Variants in ABCC4 observed in about 807,000 individuals in gnomAD.
ABCC4 encodes the protein ATP binding cassette subfamily C member 4 (PEL blood group).
Under a neutral mutation model 168.5 loss-of-function variants are expected in ABCC4, and 102 were observed. The observed-to-expected ratio is 0.61, with a 90% confidence interval of 0.52 to 0.71. The LOEUF (loss-of-function observed/expected upper bound fraction) is 0.71, where lower values mean the gene tolerates loss of function less well. Among genes scored for constraint, ABCC4 ranks in the 30% least tolerant of loss-of-function variants. The probability of loss-of-function intolerance (pLI) is 0.00; values close to 1 mark genes in which losing one functional copy is unlikely to be tolerated. For synonymous variants in ABCC4, 617 were observed against 590.7 expected, an observed-to-expected ratio of 1.04 and a Z score of -0.65; for missense variants, 1,402 against 1,605.8, an observed-to-expected ratio of 0.87 and a Z score of 2.17.
In ABCC4 at chr13:95,284,746, C is replaced by T. The variant is rs76896328; in HGVS notation, c.74+16495G>A. Among the ~76,000 whole-genome samples, 1,412 of 152,302 alleles carry T rather than the reference C, an allele frequency of 9.3e-3. 38 individuals carry two copies. The highest frequency in any genetic ancestry group is 0.082 in the East Asian group (426 of 5,186). Reference sequence around the variant, plus strand: ...GCACCTATAATCAAGAGGTACATGACGCTGCAGCTGAGAGCAGGGACTCTG... The same window carrying T: ...GCACCTATAATCAAGAGGTACATGATGCTGCAGCTGAGAGCAGGGACTCTG... On this transcript the variant is annotated intron_variant, in intron 1 of 30. Coordinates refer to ENST00000645237, the MANE Select transcript of ABCC4 (RefSeq NM_005845.5).
intron 26 of ABCC4, among the ~76,000 whole-genome samples, chr13:95,057,951 T>A (rs981142498): frequency 6.6e-6 from 1 of 152,174 alleles, no homozygotes; most frequent in Admixed American, 6.5e-5. Context: ...GTAACCTTCA[T>A]GCAACCTCAA....
intron 4 of ABCC4, among the ~76,000 whole-genome samples, chr13:95,226,778 T>C (rs2039478369): frequency 2.0e-5 from 3 of 152,130 alleles, no homozygotes; most frequent in African/African-American, 2.4e-5. Flanking sequence ...GACCAGATGG[T>C]AGGACACTCG....
At chr13:95,210,384 G>A (rs774455566) in intron 5 of ABCC4, among the ~76,000 whole-genome samples, 2 of 152,200 alleles carry the variant, frequency 1.3e-5, no homozygotes, top group African/African-American at 4.8e-5. Context: ...GGGTGTTCAC[G>A]CACTTGTGTG....
At chr13:95,097,438 AG>A in intron 20 of ABCC4, among the ~76,000 whole-genome samples, 1 of 152,216 alleles carries the variant, frequency 6.6e-6, no homozygotes, top group East Asian at 1.9e-4. Flanking sequence ...AAATACAGAG[AG>A]AGAGAGAGAT....
intron 11 of ABCC4, among the ~76,000 whole-genome samples, chr13:95,179,339 A>T (rs1266308068): frequency 6.6e-6 from 1 of 152,220 alleles, no homozygotes; most frequent in Non-Finnish European, 1.5e-5. Context: ...AGTCAGGAAA[A>T]GCCAAAGGGA....
intron 26 of ABCC4, among the ~76,000 whole-genome samples, chr13:95,057,849 G>A (rs2033122966): frequency 6.6e-6 from 1 of 152,228 alleles, no homozygotes; most frequent in Admixed American, 6.5e-5. Context: ...AAACTTCCTA[G>A]ATTCCCTACA....
intron 3 of ABCC4, among the ~76,000 whole-genome samples, chr13:95,236,573 T>C (rs1303738254): frequency 6.9e-6 from 1 of 145,124 alleles, no homozygotes; most frequent in African/African-American, 2.5e-5. Flanking sequence ...CCAACAAGCC[T>C]GTCTCGGCAT....
chr13:95,258,309 C>T (rs1409947022), intron 1 of ABCC4, among the ~76,000 whole-genome samples: 2 of 152,156 alleles, frequency 1.3e-5, no homozygotes, highest in Admixed American at 6.5e-5. Context: ...CCCCTTCGTT[C>T]AGTGTTCCAG....
At chr13:95,040,302 G>T (rs2032299573) in intron 29 of ABCC4, among the ~76,000 whole-genome samples, 1 of 152,150 alleles carries the variant, frequency 6.6e-6, no homozygotes, top group Non-Finnish European at 1.5e-5. Context: ...CGCGATCTCG[G>T]CTCACTGCAA....
rs188577095 is a variant in ABCC4 at position 95,272,560 on chromosome 13, C to T, written c.75-24807G>A. 1.5e-3 allele frequency among the ~76,000 whole-genome samples: 221 copies of T among 152,256 alleles called. 2 individuals carry two copies. Among genetic ancestry groups the T allele is most frequent in the Middle Eastern group, 3.4e-3 (1 of 294 alleles). ...AAATTAATTCAGTGGATTATAAACT[C>T]CACAAGGCCACAGATTGATTTTAGC... On this transcript the variant is annotated intron_variant, in intron 1 of 30. Coordinates refer to ENST00000645237, the MANE Select transcript of ABCC4 (RefSeq NM_005845.5).
chr13:95,163,454 T>C (rs1947039486), intron 17 of ABCC4, among the ~76,000 whole-genome samples, 156 bp downstream of exon 17: 1 of 151,890 alleles, frequency 6.6e-6, no homozygotes, highest in Non-Finnish European at 1.5e-5. Context: ...CCACCGCAGT[T>C]TACACTCCAC....
chr13:95,210,642 A>G (rs899496), intron 5 of ABCC4, 50 bp downstream of exon 5: 1,168,570 of 1,444,906 alleles, frequency 0.81, 476,395 homozygotes, highest in Non-Finnish European at 0.84. Flanking sequence ...ATAAAAGGGG[A>G]AAGAGGGGTG....
Position 95,209,591 on chromosome 13 carries a change from C to T in ABCC4, c.628G>A (p.Val210Met). The change falls in exon 6 of 31, where the codon GTG (valine) becomes ATG (methionine). Residue 210 changes from valine to methionine, a missense_variant. By Grantham distance (21) the Val-to-Met change is conservative (BLOSUM62 1). Transcript: ENST00000645237. ...CCTGCCCACAGGAAGTGTAAGAACA[C>T]TGTCACCTTTAAAGAAAAAGACAGA... Reference protein sequence around the residue: ...NDVNKFDQVTVFLHFLWAGPL... With the variant: ...NDVNKFDQVTMFLHFLWAGPL... 1.2e-6 allele frequency: 2 copies of T among 1,610,872 alleles called. No homozygotes were observed.
chr13:95,268,316 G>A (rs1170880885), intron 1 of ABCC4, among the ~76,000 whole-genome samples: 2 of 152,162 alleles, frequency 1.3e-5, no homozygotes, highest in Non-Finnish European at 2.9e-5. Flanking sequence ...AAAACAGTGC[G>A]AAGGCTGCAG....
chr13:95,156,617 A>G (rs1346445433), intron 19 of ABCC4, among the ~76,000 whole-genome samples: 1 of 152,202 alleles, frequency 6.6e-6, no homozygotes, highest in African/African-American at 2.4e-5. Flanking sequence ...CAGTACCAGA[A>G]AATATCTGCA....
In ABCC4 at chr13:95,281,285, G is replaced by A. The variant is rs557159036; in HGVS notation, c.74+19956C>T. On this transcript the variant is annotated intron_variant, in intron 1 of 30. Coordinates refer to ENST00000645237, the MANE Select transcript of ABCC4 (RefSeq NM_005845.5). ...AGATCACACCACTGCACTCCTGGGC[G>A]ACAGAGACTCTCTCAAAAAAAAAAA... Among the ~76,000 whole-genome samples, 14 of 128,346 alleles carry A rather than the reference G, an allele frequency of 1.1e-4. No individual in the cohort carries two copies. In the South Asian group the frequency reaches 3.6e-3, roughly 33 times the overall value. 84.2% of individuals were successfully genotyped at this position (128,346 alleles called of 152,430 possible). A position where few individuals can be genotyped will look rare whatever the true frequency, so the allele number is the denominator to read the frequency against.
chr13:95,141,041 G>C (rs770375024), intron 19 of ABCC4, among the ~76,000 whole-genome samples: 1 of 152,114 alleles, frequency 6.6e-6, no homozygotes, highest in Non-Finnish European at 1.5e-5. Flanking sequence ...AACCACTACA[G>C]GATCCCAATC....
At chr13:95,225,433 G>T (rs2039436784) in intron 4 of ABCC4, among the ~76,000 whole-genome samples, 5 of 152,192 alleles carry the variant, frequency 3.3e-5, no homozygotes. Context: ...ACTTTGGGAG[G>T]CCAAGGTGGG....
intron 1 of ABCC4, among the ~76,000 whole-genome samples, chr13:95,298,763 T>C (rs1005671769): frequency 2.6e-5 from 4 of 152,172 alleles, no homozygotes; most frequent in Non-Finnish European, 5.9e-5. Context: ...TGCCCAGCTT[T>C]GGAGCCTGCT....
Sources: gnomAD v4.1 joint callset for allele counts (sites outside exome capture counted in the v4.1 genomes callset) on GRCh38, gnomAD v4.1.1 for gene constraint, MANE v1.5 for transcripts, NCBI Gene and HGNC (gene_info 2026-07-23, HGNC 2026-07-21) for gene names.